The following RAPGEF4 variants were observed in gnomAD, a reference collection of about 807,000 sequenced individuals.
RAPGEF4 encodes the protein Rap guanine nucleotide exchange factor 4.
Under a neutral mutation model 147.9 loss-of-function variants are expected in RAPGEF4, and 66 were observed. The ratio of observed to expected loss-of-function variants is 0.45; its 90% CI spans 0.37 to 0.55. The LOEUF (loss-of-function observed/expected upper bound fraction) is 0.55, where lower values mean the gene tolerates loss of function less well. Among genes scored for constraint, RAPGEF4 ranks in the 20% least tolerant of loss-of-function variants. The pLI is 0.00. For missense variants in RAPGEF4, 1,071 were observed against 1,257.3 expected (o/e 0.85, Z 2.24); for synonymous variants, 419 against 442.7 (o/e 0.95, Z 0.67).
At chr2:172,758,048 T>C (rs1348366173) in intron 1 of RAPGEF4, among the ~76,000 whole-genome samples, 1 of 152,126 alleles carries the variant, frequency 6.6e-6, no homozygotes, top group African/African-American at 2.4e-5. Flanking sequence ...TAGAGCCCAG[T>C]AAAAAATCAG....
At chr2:172,845,204 G>C (rs995568659) in intron 4 of RAPGEF4, among the ~76,000 whole-genome samples, 2 of 152,192 alleles carry the variant, frequency 1.3e-5, no homozygotes, top group Non-Finnish European at 2.9e-5. Context: ...TGGGGACAGG[G>C]AGTCCTTGAG....
intron 4 of RAPGEF4, among the ~76,000 whole-genome samples, chr2:172,867,116 C>T (rs945797688): frequency 4.6e-5 from 7 of 151,754 alleles, no homozygotes; most frequent in Non-Finnish European, 7.4e-5. Context: ...GGATTGCAGG[C>T]GCCCACCACC....
chr2:172,943,630 C>T (rs1435319550), intron 6 of RAPGEF4, among the ~76,000 whole-genome samples: 1 of 152,212 alleles, frequency 6.6e-6, no homozygotes, highest in Non-Finnish European at 1.5e-5. Flanking sequence ...GCATCCCTGC[C>T]TCTGGATTCC....
intron 1 of RAPGEF4, among the ~76,000 whole-genome samples, chr2:172,789,657 C>T (rs13420020): frequency 2.6e-5 from 4 of 152,176 alleles, no homozygotes; most frequent in Admixed American, 1.3e-4. Context: ...CACCATTCCA[C>T]TCTTTTATTC....
chr2:172,776,837 G>A (rs550710743), intron 1 of RAPGEF4, among the ~76,000 whole-genome samples: 1 of 151,934 alleles, frequency 6.6e-6, no homozygotes, highest in Non-Finnish European at 1.5e-5. Flanking sequence ...CATGCATTAT[G>A]ATAATCTTTT....
At chr2:173,014,406 A>G in intron 17 of RAPGEF4, 58 bp from the exon 18 acceptor site, 3 of 1,605,474 alleles carry the variant, frequency 1.9e-6, no homozygotes, top group Non-Finnish European at 2.6e-6. Context: ...TTTACCTTTG[A>G]AAGTAGCATG....
chr2:172,926,795 C>T (rs1685413995), intron 6 of RAPGEF4, among the ~76,000 whole-genome samples: 1 of 152,160 alleles, frequency 6.6e-6, no homozygotes, highest in Non-Finnish European at 1.5e-5. Context: ...TGGTCTCGAT[C>T]TCTTGACCTT....
intron 4 of RAPGEF4, among the ~76,000 whole-genome samples, chr2:172,848,357 T>A (rs923830907): frequency 6.6e-6 from 1 of 152,170 alleles, no homozygotes; most frequent in Admixed American, 6.5e-5. Context: ...GTTGAGCTGG[T>A]AGTTTCATTT....
At chr2:172,823,203 T>G (rs574485556) in intron 4 of RAPGEF4, among the ~76,000 whole-genome samples, 1 of 152,198 alleles carries the variant, frequency 6.6e-6, no homozygotes, top group Non-Finnish European at 1.5e-5. Context: ...CCCTAAAGGA[T>G]TGGGGACAGT....
At chr2:172,994,720 C>T (rs73971807) in intron 15 of RAPGEF4, among the ~76,000 whole-genome samples, 92 of 152,354 alleles carry the variant, frequency 6.0e-4, no homozygotes, top group African/African-American at 2.0e-3. Flanking sequence ...GCAATATTCT[C>T]TATTTCAATA....
At chr2:172,807,723 G>A (rs1687641404) in intron 3 of RAPGEF4, among the ~76,000 whole-genome samples, 1 of 152,162 alleles carries the variant, frequency 6.6e-6, no homozygotes, top group Non-Finnish European at 1.5e-5. Flanking sequence ...CCTGTGAATA[G>A]CCACTGCAGT....
At chr2:172,891,134 GGA>G (rs1697859753) in intron 4 of RAPGEF4, among the ~76,000 whole-genome samples, 1 of 150,728 alleles carries the variant, frequency 6.6e-6, no homozygotes, top group African/African-American at 2.4e-5. Flanking sequence ...TTGTCTTTAA[GGA>G]AAAAAAAAAG....
intron 6 of RAPGEF4, among the ~76,000 whole-genome samples, chr2:172,951,688 A>C (rs1688224103): frequency 6.6e-6 from 1 of 152,146 alleles, no homozygotes; most frequent in Admixed American, 6.5e-5. Flanking sequence ...AAAGGAAGAG[A>C]GGGTGTGGCC....
At chr2:172,828,109 T>A (rs1228489022) in intron 4 of RAPGEF4, among the ~76,000 whole-genome samples, 3 of 152,100 alleles carry the variant, frequency 2.0e-5, no homozygotes, top group African/African-American at 7.2e-5. Flanking sequence ...CCGTCAAGGA[T>A]CTTGCAACTT....
intron 4 of RAPGEF4, among the ~76,000 whole-genome samples, chr2:172,903,361 T>C (rs1180181700): frequency 1.3e-4 from 10 of 74,640 alleles, no homozygotes; most frequent in Admixed American, 4.1e-4. Flanking sequence ...AGAGTGAGAC[T>C]CCATCTCAAA....
At position 173,052,716 on chromosome 2, in the gene RAPGEF4, A is replaced by G. The variant is rs554121550; in HGVS notation, c.*949A>G. 2.0e-5 allele frequency: 3 copies of G among 152,678 alleles called. No homozygotes were observed. The highest frequency in any genetic ancestry group is 2.9e-5 in the Non-Finnish European group (2 of 68,038). 9.5% of individuals were successfully genotyped at this position (152,678 alleles called of 1,614,324 possible). ...TGGTATGGAGTTATTTATTTGCTAC[A>G]TAATAGATACTGTGCCAAATAATTA... On this transcript the variant is annotated 3_prime_UTR_variant, in exon 31 of 31. Transcript: ENST00000397081.
chr2:172,903,604 C>A (rs1426717709), intron 4 of RAPGEF4, among the ~76,000 whole-genome samples: 1 of 151,854 alleles, frequency 6.6e-6, no homozygotes, highest in Non-Finnish European at 1.5e-5. Context: ...TGTTCTGGGC[C>A]AGTGAGTGTA....
chr2:173,021,413 C>T (rs951282726), intron 23 of RAPGEF4, among the ~76,000 whole-genome samples: 1 of 152,160 alleles, frequency 6.6e-6, no homozygotes, highest in African/African-American at 2.4e-5. Flanking sequence ...TTTGGATACA[C>T]GGGGTTTCTC....
chr2:173,028,870 G>A (rs1696913332), intron 25 of RAPGEF4, among the ~76,000 whole-genome samples: 1 of 152,216 alleles, frequency 6.6e-6, no homozygotes. Flanking sequence ...GAAGTTGGTG[G>A]AAGCAGATGT....
Sources: gnomAD v4.1 joint callset for allele counts (sites outside exome capture counted in the v4.1 genomes callset) on GRCh38, gnomAD v4.1.1 for gene constraint, MANE v1.5 for transcripts, NCBI Gene and HGNC (gene_info 2026-07-23, HGNC 2026-07-21) for gene names.